VWA3B: variants seen among roughly 807,000 people sequenced by gnomAD.
VWA3B encodes the protein von Willebrand factor A domain containing 3B, also known as von Willebrand factor A domain-containing protein 3B.
Under a neutral mutation model 158.3 loss-of-function variants are expected in VWA3B, and 138 were observed. That is an observed-to-expected ratio of 0.87 (90% CI 0.76 to 1.00). VWA3B has a LOEUF of 1.00. Ranked by LOEUF, VWA3B falls within the 50% of genes least tolerant of loss-of-function variation. VWA3B has a pLI of 0.00. For missense variants in VWA3B, 1,555 were observed against 1,565.1 expected (o/e 0.99, Z 0.11); for synonymous variants, 596 against 587.3 (o/e 1.01, Z -0.21).
At chr2:98,299,406 TGGGATTA>T (rs1163304265) in intron 24 of VWA3B, among the ~76,000 whole-genome samples, 2 of 152,204 alleles carry the variant, frequency 1.3e-5, no homozygotes, top group Non-Finnish European at 2.9e-5. Flanking sequence ...CTCCAAGGCC[TGGGATTA>T]GAGGGAAATC....
chr2:98,132,253 G>A (rs765927834), intron 6 of VWA3B, among the ~76,000 whole-genome samples: 6 of 152,246 alleles, frequency 3.9e-5, no homozygotes, highest in Non-Finnish European at 7.3e-5. Flanking sequence ...GCAGGCAAGC[G>A]TAACCCATCA....
chr2:98,308,235 G>T (rs1225169108), intron 26 of VWA3B, among the ~76,000 whole-genome samples: 1 of 152,178 alleles, frequency 6.6e-6, no homozygotes, highest in Non-Finnish European at 1.5e-5. Flanking sequence ...GGCGGGTGCA[G>T]ATTTTCTCTT....
intron 9 of VWA3B, among the ~76,000 whole-genome samples, chr2:98,184,204 C>T (rs1680828181): frequency 6.6e-6 from 1 of 152,160 alleles, no homozygotes; most frequent in Non-Finnish European, 1.5e-5. Context: ...GGTGGTTTTC[C>T]ATTTGGCTGT....
chr2:98,312,344 CTT>C lies in VWA3B; in HGVS notation c.3882_3883del (p.Ter1295ArgfsTer9). Reference sequence around the variant, plus strand: ...AGGGCTGAGGAGCGTCCCTGAGACACTTTAAGGCCGTCTGGTGGCAGCTATGT... The same window carrying C: ...AGGGCTGAGGAGCGTCCCTGAGACACTAAGGCCGTCTGGTGGCAGCTATGT... Reference protein sequence around the residue: ...SKGLRSVPETL With the variant: ...SKGLRSVPETX On this transcript the variant is annotated frameshift_variant, in exon 28 of 28. Coordinates refer to ENST00000477737, the MANE Select transcript of VWA3B (RefSeq NM_144992.5). LOFTEE classifies it high-confidence loss of function. 1 of 1,606,426 alleles carries C rather than the reference CTT, an allele frequency of 6.2e-7. No homozygotes were observed. The highest frequency in any genetic ancestry group is 8.5e-7 in the Non-Finnish European group (1 of 1,174,320).
chr2:98,215,580 C>T (rs1391139664), intron 13 of VWA3B, among the ~76,000 whole-genome samples: 25 of 151,070 alleles, frequency 1.7e-4, no homozygotes, highest in Admixed American at 1.1e-3. Context: ...TGTAGTGGCG[C>T]AATCTCGGCT....
At chr2:98,277,041 G>GC (rs140989389) in intron 22 of VWA3B, among the ~76,000 whole-genome samples, 5,902 of 152,188 alleles carry the variant, frequency 0.039, 168 homozygotes, top group Middle Eastern at 0.075. Context: ...TTCCTGGCTG[G>GC]CCCAGATGAG....
In VWA3B at chr2:98,236,858, A is replaced by G. The variant is rs1685732065; in HGVS notation, c.2673+128A>G. On this transcript the variant is annotated intron_variant, in intron 19 of 27. Coordinates refer to ENST00000477737, the MANE Select transcript of VWA3B (RefSeq NM_144992.5). ...AGCCACTGGGGGAAAAAGTATTTGTAAAGGCAGTAAAAGGGAGAGAGAGAG... is the reference window on the plus strand; with the variant it reads ...AGCCACTGGGGGAAAAAGTATTTGTGAAGGCAGTAAAAGGGAGAGAGAGAG... The G allele has an allele frequency of 5.4e-6, 7 of 1,287,140 alleles. No individual in the cohort carries two copies. In the Middle Eastern group the frequency reaches 1.4e-3, roughly 252 times the overall value. The allele number at this position is 1,287,140 out of a possible 1,614,324, so 79.7% of individuals were successfully genotyped here.
intron 21 of VWA3B, among the ~76,000 whole-genome samples, chr2:98,256,868 C>T (rs895269735): frequency 6.6e-6 from 1 of 152,152 alleles, no homozygotes; most frequent in African/African-American, 2.4e-5. Flanking sequence ...TATTTTGATA[C>T]TTGCACACAT....
intron 9 of VWA3B, among the ~76,000 whole-genome samples, chr2:98,186,158 A>ATT (rs377014875): frequency 0.1 from 13,404 of 128,314 alleles, 875 homozygotes; most frequent in Non-Finnish European, 0.12. Context: ...ACTTCCTTGA[A>ATT]TTTTTTTTTT....
rs1321719491 is a variant in VWA3B at position 98,119,539 on chromosome 2, T to C, written c.318T>C (p.Tyr106=). 2.5e-6 allele frequency: 4 copies of C among 1,613,926 alleles called. No individual in the cohort carries two copies. The African/African-American group carries it at 5.3e-5, about 22-fold the overall frequency. ...YNLTAKSELI[Y]QFVEHLTQAV... is the part of the protein sequence containing the mutation. ...TGACAGCTAAATCAGAACTGATTTA[T>C]CAGTTTGTGGAACATTTAACACAAG... Residue 106 remains tyrosine, a synonymous_variant, in exon 4 of 28, where the codon TAT becomes TAC. Transcript: ENST00000477737.
chr2:98,124,716 T>G (rs17027500), intron 5 of VWA3B, among the ~76,000 whole-genome samples: 17,031 of 152,234 alleles, frequency 0.11, 1,248 homozygotes, highest in African/African-American at 0.21. Flanking sequence ...GTGAAGATTT[T>G]TATACCTGGA....
At chr2:98,197,759 T>A (rs1469099647) in intron 12 of VWA3B, among the ~76,000 whole-genome samples, 1 of 152,148 alleles carries the variant, frequency 6.6e-6, no homozygotes, top group African/African-American at 2.4e-5. Flanking sequence ...CCACCTTTTT[T>A]TCCCCCTTTA....
In VWA3B at chr2:98,112,281, GGTGT is replaced by G. The variant is rs61436618; in HGVS notation, c.197-3353_197-3350del. Reference sequence around the variant, plus strand: ...TCCATTGTTCTATATGTCTGTTTGGGGTGTGTGTGTGTGTGTGTGTGGGTGTGTG... The same window carrying G: ...TCCATTGTTCTATATGTCTGTTTGGGGTGTGTGTGTGTGTGTGGGTGTGTG... On this transcript the variant is annotated intron_variant, in intron 2 of 27. Coordinates refer to ENST00000477737, the MANE Select transcript of VWA3B (RefSeq NM_144992.5). Among the ~76,000 whole-genome samples the G allele has an allele frequency of 2.4e-3, 354 of 148,270 alleles. 2 individuals carry two copies. The highest frequency in any genetic ancestry group is 3.4e-3 in the Middle Eastern group (1 of 290).
chr2:98,191,932 A>T (rs1558656481), intron 10 of VWA3B, among the ~76,000 whole-genome samples: 3 of 151,018 alleles, frequency 2.0e-5, no homozygotes, highest in African/African-American at 7.3e-5. Flanking sequence ...CCTTACCTCC[A>T]CCCCCCAGGC....
At chr2:98,258,675 A>G (rs1305880543) in intron 21 of VWA3B, among the ~76,000 whole-genome samples, 1 of 151,796 alleles carries the variant, frequency 6.6e-6, no homozygotes, top group East Asian at 1.9e-4. Context: ...TGAATTTTGT[A>G]TTTTGACTTT....
chr2:98,311,596 T>C (rs1455022734), intron 26 of VWA3B, among the ~76,000 whole-genome samples: 2 of 152,134 alleles, frequency 1.3e-5, no homozygotes, highest in South Asian at 4.1e-4. Flanking sequence ...ACTCAAGTTC[T>C]CCGTGCCGTG....
At chr2:98,201,434 A>T (rs762307194) in intron 12 of VWA3B, among the ~76,000 whole-genome samples, 4 of 152,092 alleles carry the variant, frequency 2.6e-5, no homozygotes, top group Non-Finnish European at 4.4e-5. Flanking sequence ...ATGAATAGAG[A>T]TGATTTTATT....
At chr2:98,160,292 C>T (rs893057801) in intron 7 of VWA3B, among the ~76,000 whole-genome samples, 4 of 152,176 alleles carry the variant, frequency 2.6e-5, no homozygotes, top group African/African-American at 9.7e-5. Context: ...TTTTACTGTT[C>T]TGTAGCTTTC....
chr2:98,152,850 A>T lies in VWA3B; in HGVS notation c.989-10001A>T, dbSNP rs991352098. Among the ~76,000 whole-genome samples the T allele has an allele frequency of 4.6e-5, 7 of 152,348 alleles. No individual in the cohort carries two copies. The South Asian group carries it at 1.5e-3, about 32-fold the overall frequency. The stretch of plus-strand genomic sequence containing the variant: ...GGCTGAAAGCCATGGTCAGAACTCT[A>T]TGCTGTCACTTCAAGCCAGAGCTTT... On this transcript the variant is annotated intron_variant, in intron 7 of 27. Coordinates refer to ENST00000477737, the MANE Select transcript of VWA3B (RefSeq NM_144992.5).
Sources: allele counts gnomAD v4.1 joint callset (sites outside exome capture counted in the v4.1 genomes callset), GRCh38; gene constraint gnomAD v4.1.1; transcripts MANE v1.5; gene names NCBI Gene and HGNC (gene_info 2026-07-23, HGNC 2026-07-21).